Variants in NAP1L4 observed in about 807,000 individuals in gnomAD.
NAP1L4 encodes nucleosome assembly protein 1-like 4.
In NAP1L4, 15 loss-of-function variants were observed where a neutral mutation model predicts 58.2. The ratio of observed to expected loss-of-function variants is 0.26; its 90% CI spans 0.17 to 0.40. The LOEUF is 0.40. NAP1L4 is among the 10% of genes least tolerant of loss of function. The pLI is 1.00. For synonymous variants in NAP1L4, 171 were observed against 155.6 expected (o/e 1.10, Z -0.74); for missense variants, 384 against 451.1 (o/e 0.85, Z 1.35).
At chr11:2,965,903 TGGGCATCATGGAAGAGC>T (rs940211434) in intron 7 of NAP1L4, among the ~76,000 whole-genome samples, 4 of 152,068 alleles carry the variant, frequency 2.6e-5, no homozygotes, top group Non-Finnish European at 4.4e-5. Context: ...CATGGAAGAG[TGGGCATCATGGAAGAGC>T]GTACAATTCT....
rs1464836009 is a variant in NAP1L4 at position 2,949,407 on chromosome 11, T to C, written c.1123-143A>G. 3 of 690,278 alleles carry C rather than the reference T, an allele frequency of 4.3e-6. No individual in the cohort carries two copies. Among genetic ancestry groups the C allele is most frequent in the Non-Finnish European group, 7.9e-6 (3 of 379,040 alleles). The allele number at this position is 690,278 out of a possible 1,614,324, so 42.8% of individuals were successfully genotyped here. A position where few individuals can be genotyped will look rare whatever the true frequency, so the allele number is the denominator to read the frequency against. ...AACTCGGGGTGAACAACTTCAACACTAGATCATACTTTCAAAATGGGCAGA... is the reference window on the plus strand; with the variant it reads ...AACTCGGGGTGAACAACTTCAACACCAGATCATACTTTCAAAATGGGCAGA... On this transcript the variant is annotated intron_variant, in intron 14 of 15. Coordinates refer to ENST00000380542, the MANE Select transcript of NAP1L4 (RefSeq NM_005969.4). This position sits in a 1 kb window ranked among gnomAD's most constrained non-coding sequence, Gnocchi z 4.0.
rs369219288 is a variant in NAP1L4 at position 2,968,039 on chromosome 11, C to T, written c.534+1764G>A. The stretch of plus-strand genomic sequence containing the variant: ...TGTTATCACTGCACCCCCAATCCCA[C>T]GTGAAGATGCTCCAACCCTGCAGTG... On this transcript the variant is annotated intron_variant, in intron 7 of 15. Coordinates refer to ENST00000380542, the MANE Select transcript of NAP1L4 (RefSeq NM_005969.4). Among the ~76,000 whole-genome samples, 9 of 152,194 alleles carry T rather than the reference C, an allele frequency of 5.9e-5. No homozygotes were observed. In the South Asian group the frequency reaches 8.3e-4, roughly 14 times the overall value.
chr11:2,987,223 C>T (rs1409060036), intron 1 of NAP1L4, among the ~76,000 whole-genome samples: 1 of 152,066 alleles, frequency 6.6e-6, no homozygotes, highest in Non-Finnish European at 1.5e-5. Context: ...GACTCCTGAT[C>T]CAGTCTATCA....
chr11:2,980,655 G>C (rs1299407042), intron 1 of NAP1L4, among the ~76,000 whole-genome samples: 1 of 152,094 alleles, frequency 6.6e-6, no homozygotes, highest in Non-Finnish European at 1.5e-5. Flanking sequence ...GCTGAAAACT[G>C]GCCAATGTTC....
At chr11:2,985,693 AAAT>A (rs1165796001) in intron 1 of NAP1L4, among the ~76,000 whole-genome samples, 2 of 152,186 alleles carry the variant, frequency 1.3e-5, no homozygotes, top group Non-Finnish European at 2.9e-5. Flanking sequence ...TTGTGTTAAT[AAAT>A]AATAACTAAA....
At position 2,991,389 on chromosome 11, in the gene NAP1L4, T is replaced by A. The variant is rs1441761811; in HGVS notation, c.-18+865A>T. On this transcript the variant is annotated intron_variant, in intron 1 of 15. Coordinates refer to ENST00000380542, the MANE Select transcript of NAP1L4 (RefSeq NM_005969.4). ...AATACAAATGTGACCTCTTCCACCATCTCTGAACTGAAAGAAAAGCATGGC... is the reference window on the plus strand; with the variant it reads ...AATACAAATGTGACCTCTTCCACCAACTCTGAACTGAAAGAAAAGCATGGC... The A allele has an allele frequency of 1.4e-5, 3 of 209,156 alleles. 1 individual carries two copies. The highest frequency in any genetic ancestry group is 1.2e-4 in the East Asian group (1 of 8,196). The allele number at this position is 209,156 out of a possible 1,614,324, so 13.0% of individuals were successfully genotyped here.
At chr11:2,966,555 G>A (rs12276086) in intron 7 of NAP1L4, among the ~76,000 whole-genome samples, 2,514 of 152,126 alleles carry the variant, frequency 0.017, 38 homozygotes, top group Non-Finnish European at 0.024. Flanking sequence ...CTGATTTTCC[G>A]TTGAGTCCTA....
Position 2,978,279 on chromosome 11 carries a change from C to T in NAP1L4, c.73+5G>A, listed in dbSNP as rs1196618339. The T allele has an allele frequency of 6.2e-7, 1 of 1,613,778 alleles. No homozygotes were observed. The highest frequency in any genetic ancestry group is 2.2e-5 in the East Asian group (1 of 44,852). On this transcript the variant is annotated splice_donor_5th_base_variant and intron_variant, in intron 3 of 15. Coordinates refer to ENST00000380542, the MANE Select transcript of NAP1L4 (RefSeq NM_005969.4). ...ATGCAAACTCTCCATGTGCAGTGGA[C>T]TGACCTGTGTTACTTGCATTTTTAG...
At chr11:2,958,373 T>C in intron 10 of NAP1L4, 26 bp downstream of exon 10, 2 of 1,611,948 alleles carry the variant, frequency 1.2e-6, no homozygotes, top group Non-Finnish European at 1.7e-6. Flanking sequence ...AAGAACATAA[T>C]GAATATTAAC....
intron 1 of NAP1L4, among the ~76,000 whole-genome samples, chr11:2,983,593 A>G (rs1311121528): frequency 6.1e-5 from 3 of 48,856 alleles, no homozygotes; most frequent in East Asian, 6.7e-4. Flanking sequence ...GGTATTCTGG[A>G]AAAAAAAAAA....
At position 2,954,101 on chromosome 11, in the gene NAP1L4, T is replaced by C. The variant is rs913948448; in HGVS notation, c.1035+426A>G. On this transcript the variant is annotated intron_variant, in intron 12 of 15. Coordinates refer to ENST00000380542, the MANE Select transcript of NAP1L4 (RefSeq NM_005969.4). The surrounding 1 kb of genome is among the most constrained non-coding windows in gnomAD (Gnocchi z 4.8). ...TTCTTTTTTTTCCTTTTTACCTAAT[T>C]AGATAGAAGTTCAGGAATTTCTATT... Among the ~76,000 whole-genome samples the C allele has an allele frequency of 2.5e-4, 38 of 152,164 alleles. No homozygotes were observed. The highest frequency in any genetic ancestry group is 9.2e-4 in the African/African-American group (38 of 41,430).
intron 1 of NAP1L4, 34 bp downstream of exon 1, chr11:2,992,220 C>T (rs1257487244): frequency 6.6e-6 from 1 of 152,380 alleles, no homozygotes; most frequent in African/African-American, 2.4e-5. Flanking sequence ...CTCCCCAGCG[C>T]GCCGTTACCG....
chr11:2,988,350 C>T (rs1328713842), intron 1 of NAP1L4, among the ~76,000 whole-genome samples: 1 of 152,208 alleles, frequency 6.6e-6, no homozygotes, highest in Non-Finnish European at 1.5e-5. Flanking sequence ...CTACCTATTT[C>T]ATATTGCAAC....
chr11:2,955,783 CA>C lies in NAP1L4; in HGVS notation c.893-18del, dbSNP rs1178433783. ...CCCCGGATGCTAGAAAAAGAAAAGA[CA>C]AAACATATTTAAATTACAGTGACAA... On this transcript the variant is annotated intron_variant, in intron 10 of 15. Coordinates refer to ENST00000380542, the MANE Select transcript of NAP1L4 (RefSeq NM_005969.4). The surrounding 1 kb of genome is among the most constrained non-coding windows in gnomAD (Gnocchi z 4.2). 24 of 1,610,982 alleles carry C rather than the reference CA, an allele frequency of 1.5e-5. No individual in the cohort carries two copies. The highest frequency in any genetic ancestry group is 2.0e-5 in the Non-Finnish European group (24 of 1,178,000).
intron 4 of NAP1L4, among the ~76,000 whole-genome samples, chr11:2,974,654 G>C (rs150153384): frequency 6.6e-6 from 1 of 152,164 alleles, no homozygotes; most frequent in African/African-American, 2.4e-5. Flanking sequence ...CCAGCACTTT[G>C]GGAGGCCAAG....
At chr11:2,974,238 G>C (rs145673729) in intron 4 of NAP1L4, among the ~76,000 whole-genome samples, 5 of 151,954 alleles carry the variant, frequency 3.3e-5, no homozygotes, top group African/African-American at 4.8e-5. Context: ...CCATTAACTC[G>C]TCATTTAGAC....
chr11:2,966,128 C>T (rs1295378767), intron 7 of NAP1L4, among the ~76,000 whole-genome samples: 1 of 152,182 alleles, frequency 6.6e-6, no homozygotes, highest in East Asian at 1.9e-4. Context: ...GGCACTGAAT[C>T]TCAAAATGTC....
intron 8 of NAP1L4, 101 bp from the exon 9 acceptor site, chr11:2,960,010 G>C: frequency 7.9e-7 from 1 of 1,265,212 alleles, no homozygotes; most frequent in Non-Finnish European, 1.1e-6. Context: ...TTTTGGGAAA[G>C]CTCAACAGAT....
At position 2,972,254 on chromosome 11, in the gene NAP1L4, G is replaced by A; in HGVS notation, c.174-11C>T. ...ACTGCTTTAGGTAAACTAAAAAAGG[G>A]AGTAAGAAATACAACATCCTCATGC... On this transcript the variant is annotated splice_polypyrimidine_tract_variant and intron_variant, in intron 4 of 15. Transcript: ENST00000380542. 1 of 1,591,994 alleles carries A rather than the reference G, an allele frequency of 6.3e-7. No individual in the cohort carries two copies. Among genetic ancestry groups the A allele is most frequent in the Non-Finnish European group, 8.5e-7 (1 of 1,173,232 alleles).
Sources: gnomAD v4.1 joint callset for allele counts (sites outside exome capture counted in the v4.1 genomes callset) on GRCh38, gnomAD v4.1.1 for gene constraint, Gnocchi (gnomAD v3.1) non-coding constraint, MANE v1.5 for transcripts, NCBI Gene and HGNC (gene_info 2026-07-23, HGNC 2026-07-21) for gene names.